The following HSD17B4 variants were observed in gnomAD, a reference collection of about 807,000 sequenced individuals.
HSD17B4 encodes the protein peroxisomal multifunctional enzyme type 2.
In HSD17B4, 70 loss-of-function variants were observed where a neutral mutation model predicts 101.0. The ratio of observed to expected loss-of-function variants is 0.69; its 90% confidence interval spans 0.57 to 0.85. The LOEUF is 0.85. HSD17B4 is among the 40% of genes least tolerant of loss of function. HSD17B4 has a pLI of 0.00. For synonymous variants in HSD17B4, 347 were observed against 297.1 expected, an observed-to-expected ratio of 1.17 and a Z score of -1.73; for missense variants, 984 against 892.4, an observed-to-expected ratio of 1.10 and a Z score of -1.31.
At chr5:119,494,148 A>C (rs1180845869) in intron 11 of HSD17B4, among the ~76,000 whole-genome samples, 1 of 152,118 alleles carries the variant, frequency 6.6e-6, no homozygotes, top group Non-Finnish European at 1.5e-5. Flanking sequence ...TTTCAGCTTT[A>C]TTATAATCCT....
chr5:119,489,132 A>C (rs972280270), intron 8 of HSD17B4, 60 bp from the exon 9 acceptor site: 8 of 1,131,944 alleles, frequency 7.1e-6, no homozygotes, highest in African/African-American at 1.5e-5. Context: ...TAATTTTATA[A>C]GTAAGAAATT....
At chr5:119,530,879 A>C (rs866764465) in intron 21 of HSD17B4, among the ~76,000 whole-genome samples, 13 of 149,844 alleles carry the variant, frequency 8.7e-5, no homozygotes, top group Admixed American at 3.3e-4. Flanking sequence ...AACAAAAAAA[A>C]CCCAAAACTT....
intron 16 of HSD17B4, chr5:119,509,482 C>G (rs1309169604): frequency 1.5e-6 from 1 of 660,304 alleles, no homozygotes; most frequent in East Asian, 2.9e-5. Context: ...GATCTACTTC[C>G]ACTTACTGAA....
intron 8 of HSD17B4, among the ~76,000 whole-genome samples, chr5:119,484,315 C>A (rs550173515): frequency 6.6e-6 from 1 of 152,140 alleles, no homozygotes; most frequent in Non-Finnish European, 1.5e-5. Flanking sequence ...GAAAATCAAT[C>A]GACTGCTTAC....
intron 9 of HSD17B4, among the ~76,000 whole-genome samples, chr5:119,490,662 G>A (rs1216461188): frequency 1.1e-4 from 17 of 152,050 alleles, no homozygotes; most frequent in South Asian, 8.3e-4. Context: ...TCCGCCTCCC[G>A]GACTCAAGTG....
At chr5:119,539,968 C>A (rs1403383944) in intron 23 of HSD17B4, among the ~76,000 whole-genome samples, 2 of 151,242 alleles carry the variant, frequency 1.3e-5, no homozygotes, top group Non-Finnish European at 2.9e-5. Flanking sequence ...TGGCACACAC[C>A]TGTAGTCCCA....
intron 2 of HSD17B4, among the ~76,000 whole-genome samples, chr5:119,464,270 T>C (rs1484731433): frequency 2.0e-5 from 3 of 152,178 alleles, no homozygotes; most frequent in Non-Finnish European, 4.4e-5. Context: ...CCCAAACCAA[T>C]GTCCTGAAGT....
Sources: allele counts gnomAD v4.1 joint callset (sites outside exome capture counted in the v4.1 genomes callset), GRCh38; gene constraint gnomAD v4.1.1; transcripts MANE v1.5; gene names NCBI Gene and HGNC (gene_info 2026-07-23, HGNC 2026-07-21).